The following DHX15 variants were observed in gnomAD, a reference collection of about 807,000 sequenced individuals.
DHX15 encodes ATP-dependent RNA helicase DHX15.
Under a neutral mutation model 94.4 loss-of-function variants are expected in DHX15, and 11 were observed. That is an observed-to-expected ratio of 0.12 (90% confidence interval 0.07 to 0.19). The LOEUF is 0.19. Among genes scored for constraint, DHX15 ranks in the 10% least tolerant of loss-of-function variants. The pLI, the probability that DHX15 is intolerant of heterozygous loss-of-function variation, is 1.00. For missense variants in DHX15, 304 were observed against 988.5 expected (o/e 0.31, Z 9.29); for synonymous variants, 338 against 329.9 (o/e 1.02, Z -0.27).
At chr4:24,542,659 T>C (rs1721336655) in intron 7 of DHX15, among the ~76,000 whole-genome samples, 1 of 151,828 alleles carries the variant, frequency 6.6e-6, no homozygotes, top group African/African-American at 2.4e-5. Context: ...ACTAAACCCA[T>C]ACTGTTAAAT....
At chr4:24,547,935 ATATATATCTATATCTATATC>A (rs1721480662) in intron 6 of DHX15, among the ~76,000 whole-genome samples, 25 of 49,062 alleles carry the variant, frequency 5.1e-4, no homozygotes, top group African/African-American at 1.8e-3. Context: ...ATATATATAT[ATATATATCTATATCTATATC>A]TATATCTATC....
At chr4:24,570,970 A>AG in intron 2 of DHX15, 123 bp from the exon 3 acceptor site, 1 of 988,594 alleles carries the variant, frequency 1.0e-6, no homozygotes, top group Non-Finnish European at 1.5e-6. Context: ...AATGACTATA[A>AG]GACTTGTGAT....
At chr4:24,581,278 T>C (rs1242458926) in intron 1 of DHX15, among the ~76,000 whole-genome samples, 1 of 152,144 alleles carries the variant, frequency 6.6e-6, no homozygotes, top group Non-Finnish European at 1.5e-5. Flanking sequence ...TCCACCCGCC[T>C]CGGCCTCCCA....
chr4:24,546,091 T>C (rs1721417491), intron 6 of DHX15, among the ~76,000 whole-genome samples: 1 of 152,154 alleles, frequency 6.6e-6, no homozygotes, highest in Non-Finnish European at 1.5e-5. Flanking sequence ...CTGAATACTG[T>C]CTGGACACAA....
Position 24,537,244 on chromosome 4 carries a change from C to T in DHX15, c.1787-71G>A. 6.3e-7 allele frequency: 1 copy of T among 1,597,394 alleles called. No homozygotes were observed. The highest frequency in any genetic ancestry group is 8.5e-7 in the Non-Finnish European group (1 of 1,170,530). ...AGTCACGCATTCACAGATAGAGGAA[C>T]AAGGCCTAGCTAGGTCAGTTCACAG... is the stretch of plus-strand genomic sequence containing the variant. On this transcript the variant is annotated intron_variant, in intron 10 of 13. Coordinates refer to ENST00000336812, the MANE Select transcript of DHX15 (RefSeq NM_001358.3). This position sits in a 1 kb window ranked among gnomAD's most constrained non-coding sequence, Gnocchi z 4.7.
In DHX15 at chr4:24,554,948, A is replaced by G; in HGVS notation, c.862-5T>C. 6.2e-7 allele frequency: 1 copy of G among 1,606,820 alleles called. No individual in the cohort carries two copies. The highest frequency in any genetic ancestry group is 8.5e-7 in the Non-Finnish European group (1 of 1,174,002). ...AGTAGCGCTCATAACTATAACCTGA[A>G]AGAAAACAGTAAATTATTTGAAGCT... On this transcript the variant is annotated splice_polypyrimidine_tract_variant and splice_region_variant and intron_variant, in intron 4 of 13. Transcript: ENST00000336812.
At chr4:24,559,764 T>TA (rs1721822771) in intron 3 of DHX15, among the ~76,000 whole-genome samples, 1 of 152,184 alleles carries the variant, frequency 6.6e-6, no homozygotes, top group Admixed American at 6.6e-5. Flanking sequence ...ACCTTGGAAC[T>TA]AGTAAGAACT....
At chr4:24,553,951 G>A (rs530910701) in intron 5 of DHX15, among the ~76,000 whole-genome samples, 1 of 152,266 alleles carries the variant, frequency 6.6e-6, no homozygotes, top group South Asian at 2.1e-4. Flanking sequence ...GGGTGCGATG[G>A]CTCACGCCTG....
At chr4:24,547,951 A>C (rs201637399) in intron 6 of DHX15, among the ~76,000 whole-genome samples, 4 of 77,542 alleles carry the variant, frequency 5.2e-5, no homozygotes, top group Non-Finnish European at 1.1e-4. Flanking sequence ...ATCTATATCT[A>C]TATCTATATC....
chr4:24,541,087 T>A (rs1577334937), intron 8 of DHX15, 139 bp from the exon 9 acceptor site: 4 of 515,540 alleles, frequency 7.8e-6, no homozygotes, highest in Non-Finnish European at 1.4e-5. Flanking sequence ...TAAATACTTG[T>A]AGGCTAGACT....
intron 1 of DHX15, among the ~76,000 whole-genome samples, chr4:24,583,253 G>A (rs1427677132): frequency 6.6e-6 from 1 of 152,130 alleles, no homozygotes; most frequent in East Asian, 1.9e-4. Context: ...CAAGGGACAA[G>A]AAATGATTTT....
At chr4:24,547,897 GTATGTGTA>G (rs755600926) in intron 6 of DHX15, among the ~76,000 whole-genome samples, 4,915 of 54,892 alleles carry the variant, frequency 0.09, 194 homozygotes, top group Non-Finnish European at 0.13. Flanking sequence ...CTCTATGTAT[GTATGTGTA>G]TATATATATA....
chr4:24,554,991 C>A (rs1452037982), intron 4 of DHX15, 48 bp from the exon 5 acceptor site: 3 of 1,444,750 alleles, frequency 2.1e-6, no homozygotes. Context: ...AGGATTCTTA[C>A]ATGGTCTTAC....
At position 24,537,201 on chromosome 4, in the gene DHX15, C is replaced by CA. The variant is rs761830251; in HGVS notation, c.1787-29dup. 1 of 1,612,978 alleles carries CA rather than the reference C, an allele frequency of 6.2e-7. No individual in the cohort carries two copies. Among genetic ancestry groups the CA allele is most frequent in the Non-Finnish European group, 8.5e-7 (1 of 1,179,402 alleles). On this transcript the variant is annotated intron_variant, in intron 10 of 13. Coordinates refer to ENST00000336812, the MANE Select transcript of DHX15 (RefSeq NM_001358.3). This position sits in a 1 kb window ranked among gnomAD's most constrained non-coding sequence, Gnocchi z 4.7. ...AAACAAGGTTGGTATGGGCCCAACA[C>CA]AAACGCCCATATCGATGAGTCACGC... is the stretch of plus-strand genomic sequence containing the variant.
intron 6 of DHX15, among the ~76,000 whole-genome samples, chr4:24,548,618 C>T (rs1721512083): frequency 6.6e-6 from 1 of 152,182 alleles, no homozygotes; most frequent in African/African-American, 2.4e-5. Flanking sequence ...GGCCAACATC[C>T]TTTCTTAACC....
rs770802309 is a variant in DHX15 at position 24,532,362 on chromosome 4, G to A, written c.2100+502C>T. Among the ~76,000 whole-genome samples the A allele has an allele frequency of 3.9e-5, 6 of 152,154 alleles. No homozygotes were observed. In the South Asian group the frequency reaches 8.3e-4, roughly 21 times the overall value. On this transcript the variant is annotated intron_variant, in intron 12 of 13. Coordinates refer to ENST00000336812, the MANE Select transcript of DHX15 (RefSeq NM_001358.3). ...GTAGAGGACTGTAAATGAAATCCAC[G>A]TATTTGAATATTTGAATTTGGAGGT...
In DHX15 at chr4:24,570,797, T is replaced by C. The variant is rs1722105326; in HGVS notation, c.558A>G (p.Arg186=). 5.6e-6 allele frequency: 9 copies of C among 1,614,066 alleles called. No individual in the cohort carries two copies. The East Asian group carries it at 2.0e-4, about 36-fold the overall frequency. Reference sequence around the variant, plus strand: ...TCCTGGGTTGGGTACAGGCAACTCCTCTCTTGGGTCCTGGTAATGATCGCA... The same window carrying C: ...TCCTGGGTTGGGTACAGGCAACTCCCCTCTTGGGTCCTGGTAATGATCGCA... ...EYMRSLPGPK[R]GVACTQPRRV... is the part of the protein sequence containing the mutation. The change falls in exon 3 of 14, where the codon AGA becomes AGG. Residue 186 remains arginine (R), a synonymous_variant. Transcript: ENST00000336812.
At chr4:24,583,314 G>A (rs2109015056) in intron 1 of DHX15, among the ~76,000 whole-genome samples, 1 of 152,280 alleles carries the variant, frequency 6.6e-6, no homozygotes, top group African/African-American at 2.4e-5. Context: ...TTTAAGGAAA[G>A]GAATCTGGAA....
At chr4:24,539,524 A>G (rs1721262698) in intron 10 of DHX15, among the ~76,000 whole-genome samples, 2 of 152,150 alleles carry the variant, frequency 1.3e-5, no homozygotes, top group African/African-American at 2.4e-5. Flanking sequence ...GCGATTTTAT[A>G]TATTAGGTAT....
Sources: gnomAD v4.1 joint callset for allele counts (sites outside exome capture counted in the v4.1 genomes callset) on GRCh38, gnomAD v4.1.1 for gene constraint, Gnocchi (gnomAD v3.1) non-coding constraint, MANE v1.5 for transcripts, NCBI Gene and HGNC (gene_info 2026-07-23, HGNC 2026-07-21) for gene names.